Variants in LEF1 observed in about 807,000 individuals in gnomAD.
LEF1 encodes lymphoid enhancer-binding factor 1.
Under a neutral mutation model 51.2 loss-of-function variants are expected in LEF1, and 14 were observed. The observed-to-expected ratio is 0.27, with a 90% CI of 0.18 to 0.43. The LOEUF (loss-of-function observed/expected upper bound fraction) is 0.43, where lower values mean the gene tolerates loss of function less well. Among genes scored for constraint, LEF1 ranks in the 20% least tolerant of loss-of-function variants. LEF1 has a pLI of 1.00. For missense variants in LEF1, 386 were observed against 512.0 expected, an observed-to-expected ratio of 0.75 and a Z score of 2.37; for synonymous variants, 185 against 183.2, an observed-to-expected ratio of 1.01 and a Z score of -0.08.
At chr4:108,054,407 G>A (rs62313560) in intron 11 of LEF1, among the ~76,000 whole-genome samples, 9,490 of 152,280 alleles carry the variant, frequency 0.062, 307 homozygotes, top group African/African-American at 0.081. Flanking sequence ...CAGACGCAGC[G>A]CTGCTACTCG....
intron 3 of LEF1, among the ~76,000 whole-genome samples, chr4:108,091,619 C>T (rs928575905): frequency 6.6e-6 from 1 of 151,978 alleles, no homozygotes; most frequent in Non-Finnish European, 1.5e-5. Context: ...CATAGCCACA[C>T]AATTTTTCTC....
intron 3 of LEF1, among the ~76,000 whole-genome samples, chr4:108,122,107 T>A (rs1209047690): frequency 6.6e-6 from 1 of 152,140 alleles, no homozygotes; most frequent in Non-Finnish European, 1.5e-5. Flanking sequence ...ATTTGATCAA[T>A]CTTAATGGTT....
At chr4:108,078,732 C>A (rs1179055575) in intron 7 of LEF1, among the ~76,000 whole-genome samples, 1 of 152,146 alleles carries the variant, frequency 6.6e-6, no homozygotes, top group Non-Finnish European at 1.5e-5. Flanking sequence ...CTTCTCTGGT[C>A]CCCTCAGAAG....
chr4:108,134,582 T>C (rs2110358837), intron 3 of LEF1, among the ~76,000 whole-genome samples: 1 of 152,256 alleles, frequency 6.6e-6, no homozygotes, highest in East Asian at 1.9e-4. Flanking sequence ...CATCAAGACA[T>C]ACAGATGAAG....
At chr4:108,055,979 A>G (rs1269829873) in intron 11 of LEF1, among the ~76,000 whole-genome samples, 1 of 152,178 alleles carries the variant, frequency 6.6e-6, no homozygotes, top group Non-Finnish European at 1.5e-5. Context: ...TATAGCGGAC[A>G]TCTGTCGGGC....
At chr4:108,122,185 C>T (rs1302772539) in intron 3 of LEF1, among the ~76,000 whole-genome samples, 1 of 152,136 alleles carries the variant, frequency 6.6e-6, no homozygotes, top group Admixed American at 6.5e-5. Context: ...TTACTAACTA[C>T]TGATAGAGAT....
At chr4:108,165,798 G>C (rs1168901613) in intron 1 of LEF1, among the ~76,000 whole-genome samples, 1 of 152,156 alleles carries the variant, frequency 6.6e-6, no homozygotes, top group Non-Finnish European at 1.5e-5. Context: ...CTAAAAGGTA[G>C]CCCAGTTGAT....
chr4:108,149,666 T>TAA (rs1744246482), intron 3 of LEF1, among the ~76,000 whole-genome samples: 1 of 149,070 alleles, frequency 6.7e-6, no homozygotes, highest in South Asian at 2.1e-4. Context: ...TATATATATA[T>TAA]AACTGGATAC....
chr4:108,131,162 CA>C (rs1394544557), intron 3 of LEF1, among the ~76,000 whole-genome samples: 1 of 151,972 alleles, frequency 6.6e-6, no homozygotes, highest in Non-Finnish European at 1.5e-5. Flanking sequence ...ACTACTCAAG[CA>C]GTGGCTCATG....
At chr4:108,110,939 T>A (rs1444187011) in intron 3 of LEF1, among the ~76,000 whole-genome samples, 1 of 152,186 alleles carries the variant, frequency 6.6e-6, no homozygotes, top group East Asian at 1.9e-4. Flanking sequence ...TTATGGCATT[T>A]CAATGAAGAT....
intron 3 of LEF1, among the ~76,000 whole-genome samples, chr4:108,090,689 T>G (rs1055464478): frequency 6.6e-6 from 1 of 152,202 alleles, no homozygotes; most frequent in Non-Finnish European, 1.5e-5. Flanking sequence ...CCTCAAACAT[T>G]ATCTTTCCTT....
rs1285569625 is a variant in LEF1, at chr4:108,168,341, G to A, written c.-574C>T. 6 of 152,430 alleles carry A rather than the reference G, an allele frequency of 3.9e-5. No homozygotes were observed. Among genetic ancestry groups the A allele is most frequent in the Non-Finnish European group, 8.8e-5 (6 of 68,118 alleles). The allele number at this position is 152,430 out of a possible 1,614,324, so 9.4% of individuals were successfully genotyped here. ...GAAGGTGCAAGGATCAGAAGATAAC[G>A]AAACGTCCACTTCCTGAAGGGTGGG... On this transcript the variant is annotated 5_prime_UTR_variant, in exon 1 of 12. Transcript: ENST00000265165. The surrounding 1 kb of genome is among the most constrained non-coding windows in gnomAD (Gnocchi z 4.6).
intron 3 of LEF1, among the ~76,000 whole-genome samples, chr4:108,091,098 A>G (rs1462371651): frequency 6.6e-6 from 1 of 152,186 alleles, no homozygotes; most frequent in African/African-American, 2.4e-5. Flanking sequence ...TTACTATATT[A>G]TTGACTAAAA....
chr4:108,096,401 T>C (rs1740397267), intron 3 of LEF1, among the ~76,000 whole-genome samples: 1 of 152,208 alleles, frequency 6.6e-6, no homozygotes. Flanking sequence ...CAATGGTTCA[T>C]CTTTTCTGGA....
chr4:108,086,829 T>TAC (rs139231288), intron 4 of LEF1, among the ~76,000 whole-genome samples: 84 of 149,424 alleles, frequency 5.6e-4, no homozygotes, highest in African/African-American at 1.8e-3. Context: ...CACACACACT[T>TAC]ACACACACAC....
intron 9 of LEF1, among the ~76,000 whole-genome samples, chr4:108,066,074 T>C (rs1202702375): frequency 1.3e-5 from 2 of 152,188 alleles, no homozygotes; most frequent in Non-Finnish European, 2.9e-5. Flanking sequence ...GGCTAAATTT[T>C]GTATTTTTGG....
intron 5 of LEF1, 175 bp downstream of exon 5, chr4:108,083,181 G>T: frequency 1.6e-6 from 1 of 617,168 alleles, no homozygotes. Flanking sequence ...CCATTTCAAA[G>T]TCTGTATGTT....
intron 3 of LEF1, among the ~76,000 whole-genome samples, chr4:108,101,028 T>C (rs536444879): frequency 4.9e-4 from 75 of 152,298 alleles, no homozygotes; most frequent in African/African-American, 1.8e-3. Context: ...CCCTAATTAC[T>C]CTGTCTGGTT....
intron 3 of LEF1, among the ~76,000 whole-genome samples, chr4:108,117,210 C>T (rs532116071): frequency 2.7e-4 from 41 of 151,960 alleles, no homozygotes; most frequent in African/African-American, 9.2e-4. Flanking sequence ...AAATTTCTTC[C>T]TAATTTTTCT....
Sources: allele counts gnomAD v4.1 joint callset (sites outside exome capture counted in the v4.1 genomes callset), GRCh38; gene constraint gnomAD v4.1.1; non-coding constraint Gnocchi (gnomAD v3.1); transcripts MANE v1.5; gene names NCBI Gene and HGNC (gene_info 2026-07-23, HGNC 2026-07-21).